MLANA: variants seen among roughly 807,000 people sequenced by gnomAD.
MLANA encodes melan-A.
In MLANA, 21 loss-of-function variants were observed where a neutral mutation model predicts 15.7. That is an observed-to-expected ratio of 1.33 (90% CI 0.95 to 1.92). The LOEUF (loss-of-function observed/expected upper bound fraction) is 1.92. Among genes scored for constraint, MLANA ranks in the 40% most tolerant of loss-of-function variants. The pLI is 0.00. For synonymous variants in MLANA, 56 were observed against 51.5 expected (o/e 1.09, Z -0.37); for missense variants, 164 against 143.8 (o/e 1.14, Z -0.72).
At chr9:5,897,736 G>A in intron 3 of MLANA, 83 bp downstream of exon 3, 1 of 1,182,298 alleles carries the variant, frequency 8.5e-7, no homozygotes, top group Non-Finnish European at 1.3e-6. Context: ...TGGAGAGTCA[G>A]ATAATTGCCT....
intron 3 of MLANA, among the ~76,000 whole-genome samples, chr9:5,898,423 G>A (rs1371274570): frequency 6.6e-6 from 1 of 152,158 alleles, no homozygotes; most frequent in Non-Finnish European, 1.5e-5. Flanking sequence ...ATCCATTCAT[G>A]AGGACAGAGC....
intron 3 of MLANA, among the ~76,000 whole-genome samples, chr9:5,906,331 AAAAAAAAAAAAGAAAAGAAAAGAAAAG>A (rs561669247): frequency 0.036 from 835 of 23,032 alleles, 9 homozygotes; most frequent in African/African-American, 0.076. Flanking sequence ...CTCTGTCTCA[AAAAAAAAAAAAGAAAAGAAAAGAAAAG>A]AAAAAAAAAG....
At chr9:5,900,880 C>T (rs1486413405) in intron 3 of MLANA, among the ~76,000 whole-genome samples, 1 of 151,646 alleles carries the variant, frequency 6.6e-6, no homozygotes, top group African/African-American at 2.4e-5. Flanking sequence ...TGGAGAATTT[C>T]ATGGCCCTTG....
At chr9:5,907,710 C>T (rs987379708) in intron 4 of MLANA, among the ~76,000 whole-genome samples, 20 of 152,144 alleles carry the variant, frequency 1.3e-4, no homozygotes, top group African/African-American at 4.1e-4. Flanking sequence ...CCCAGCACTT[C>T]GGGAGGCCGA....
chr9:5,905,381 T>C (rs931290830), intron 3 of MLANA, among the ~76,000 whole-genome samples: 8 of 152,210 alleles, frequency 5.3e-5, no homozygotes, highest in African/African-American at 1.9e-4. Flanking sequence ...TAGGTACAAC[T>C]GACCAGCATT....
intron 3 of MLANA, among the ~76,000 whole-genome samples, chr9:5,901,500 G>C (rs1832422151): frequency 2.0e-5 from 3 of 152,012 alleles, no homozygotes; most frequent in African/African-American, 7.2e-5. Context: ...GTCTATTGAT[G>C]TATCAGAATA....
chr9:5,900,914 G>C (rs1832375604), intron 3 of MLANA, among the ~76,000 whole-genome samples: 1 of 90,018 alleles, frequency 1.1e-5, no homozygotes, highest in South Asian at 3.2e-4. Context: ...TTACACTCAT[G>C]TGTCAGGGCA....
intron 3 of MLANA, among the ~76,000 whole-genome samples, chr9:5,904,443 T>C (rs1024491214): frequency 1.8e-4 from 27 of 152,306 alleles, no homozygotes; most frequent in Admixed American, 6.5e-4. Context: ...TATGATTCCA[T>C]TTTCTCTCCT....
At position 5,894,757 on chromosome 9, in the gene MLANA, C is replaced by T. The variant is rs1311525030; in HGVS notation, c.77+2206C>T. On this transcript the variant is annotated intron_variant, in intron 2 of 4. Transcript: ENST00000381477. This position sits in a 1 kb window ranked among gnomAD's most constrained non-coding sequence, Gnocchi z 4.0. ...AAGGAGCTGCTCCTTCTTGATGCCC[C>T]AGGTTTGTAGGCACCCTCTAGAGTA... 1.3e-5 allele frequency among the ~76,000 whole-genome samples: 2 copies of T among 152,120 alleles called. No homozygotes were observed. The highest frequency in any genetic ancestry group is 2.9e-5 in the Non-Finnish European group (2 of 68,030).
intron 3 of MLANA, among the ~76,000 whole-genome samples, chr9:5,906,186 TAAA>T (rs34203799): frequency 7.1e-6 from 1 of 140,484 alleles, no homozygotes. Context: ...TCATGTCTCT[TAAA>T]AAAAAAAAAA....
intron 2 of MLANA, among the ~76,000 whole-genome samples, chr9:5,897,178 C>G (rs1208061832): frequency 1.3e-5 from 2 of 152,206 alleles, no homozygotes; most frequent in Non-Finnish European, 2.9e-5. Flanking sequence ...TCTATTTTCT[C>G]TTTGTGGGCT....
intron 3 of MLANA, among the ~76,000 whole-genome samples, chr9:5,901,178 TA>T (rs1832397261): frequency 6.6e-6 from 1 of 152,196 alleles, no homozygotes; most frequent in Non-Finnish European, 1.5e-5. Context: ...AGGGCAGTTT[TA>T]TTTTTTTTTC....
At chr9:5,895,086 G>A (rs756880809) in intron 2 of MLANA, among the ~76,000 whole-genome samples, 8 of 152,188 alleles carry the variant, frequency 5.3e-5, no homozygotes, top group South Asian at 2.1e-4. Context: ...ACCCGTATGC[G>A]TGGGAGCTAT....
intron 3 of MLANA, chr9:5,899,405 T>A (rs1832267149): frequency 6.6e-6 from 1 of 152,226 alleles, no homozygotes; most frequent in Non-Finnish European, 1.5e-5. Context: ...CCCCAATGTC[T>A]TTCCAGAGCA....
rs1432359063 is a variant in MLANA at position 5,910,413 on chromosome 9, T to C, written c.*1705T>C. 1 of 152,256 alleles carries C rather than the reference T, an allele frequency of 6.6e-6. No homozygotes were observed. The highest frequency in any genetic ancestry group is 1.5e-5 in the Non-Finnish European group (1 of 68,044). 9.4% of individuals were successfully genotyped at this position (152,256 alleles called of 1,614,324 possible). ...AAATATTTCCCCACTCTTCTGATAC[T>C]GTCAAGTCTTACTACTTAAAATAAG... On this transcript the variant is annotated 3_prime_UTR_variant, in exon 5 of 5. Transcript: ENST00000381477.
intron 3 of MLANA, among the ~76,000 whole-genome samples, chr9:5,900,018 T>C (rs566571970): frequency 3.3e-5 from 5 of 152,256 alleles, no homozygotes; most frequent in Admixed American, 6.5e-5. Context: ...TTTCATTATA[T>C]ATTTGTATAT....
Position 5,897,670 on chromosome 9 carries a change from C to T in MLANA, c.174+17C>T, listed in dbSNP as rs780982408. ...GCCTTGATGGTTGGTAAAGTTCCCA[C>T]TGCTGAAATCCCTCCAAGTCCAGGG... is the stretch of plus-strand genomic sequence containing the variant. On this transcript the variant is annotated intron_variant, in intron 3 of 4. Transcript: ENST00000381477. The T allele has an allele frequency of 1.9e-6, 3 of 1,597,068 alleles. No homozygotes were observed. The highest frequency in any genetic ancestry group is 2.2e-5 in the South Asian group (2 of 90,732).
In MLANA at chr9:5,894,012, G is replaced by A. The variant is rs367673728; in HGVS notation, c.77+1461G>A. Reference sequence around the variant, plus strand: ...GAAATGTGTGGCCAGACATGGTGGCGCTGGGATTTAAATCCAGGTCTGTTT... The same window carrying A: ...GAAATGTGTGGCCAGACATGGTGGCACTGGGATTTAAATCCAGGTCTGTTT... On this transcript the variant is annotated intron_variant, in intron 2 of 4. Transcript: ENST00000381477. This position sits in a 1 kb window ranked among gnomAD's most constrained non-coding sequence, Gnocchi z 4.0. Among the ~76,000 whole-genome samples the A allele has an allele frequency of 2.0e-5, 3 of 151,742 alleles. No homozygotes were observed. The highest frequency in any genetic ancestry group is 6.6e-5 in the Admixed American group (1 of 15,232).
At position 5,908,670 on chromosome 9, in the gene MLANA, C is replaced by T. The variant is rs774946264; in HGVS notation, c.319C>T (p.Leu107Phe). 4 of 1,613,992 alleles carry T rather than the reference C, an allele frequency of 2.5e-6. No individual in the cohort carries two copies. The highest frequency in any genetic ancestry group is 2.5e-6 in the Non-Finnish European group (3 of 1,179,998). The change falls in exon 5 of 5, where the codon CTC becomes TTC. Residue 107 changes from leucine to phenylalanine, a missense_variant. Leu to Phe is a conservative substitution (Grantham distance 22). Coordinates refer to ENST00000381477, the MANE Select transcript of MLANA (RefSeq NM_005511.2). ...VPNAPPAYEK[L>F]SAEQSPPPYS... is the part of the protein sequence containing the mutation. ...CAATGCTCCACCTGCTTATGAGAAA[C>T]TCTCTGCAGAACAGTCACCACCACC...
Sources: gnomAD v4.1 joint callset for allele counts (sites outside exome capture counted in the v4.1 genomes callset) on GRCh38, gnomAD v4.1.1 for gene constraint, Gnocchi (gnomAD v3.1) non-coding constraint, MANE v1.5 for transcripts, NCBI Gene and HGNC (gene_info 2026-07-23, HGNC 2026-07-21) for gene names.